The following HERC2 variants were observed in gnomAD, a reference collection of about 807,000 sequenced individuals.
HERC2 encodes HECT and RLD domain containing E3 ubiquitin protein ligase 2.
Under a neutral mutation model 537.7 loss-of-function variants are expected in HERC2, and 102 were observed. The observed-to-expected ratio is 0.19, with a 90% CI of 0.16 to 0.22. HERC2 has a LOEUF of 0.22. Ranked by LOEUF, HERC2 falls within the 10% of genes least tolerant of loss-of-function variation. The probability of loss-of-function intolerance (pLI) is 1.00; values close to 1 mark genes in which losing one functional copy is unlikely to be tolerated. For missense variants in HERC2, 4,236 were observed against 6,198.2 expected, an observed-to-expected ratio of 0.68 and a Z score of 10.63; for synonymous variants, 2,224 against 2,466.2, an observed-to-expected ratio of 0.90 and a Z score of 2.91.
At chr15:28,211,721 C>T (rs1596242405) in intron 43 of HERC2, among the ~76,000 whole-genome samples, 2 of 152,140 alleles carry the variant, frequency 1.3e-5, no homozygotes, top group South Asian at 4.1e-4. Context: ...AGCTGAATTT[C>T]GGACATGTGG....
rs1291082057 is a variant in HERC2, at chr15:28,255,902, G to A, written c.2841C>T (p.Ala947=). 1.9e-6 allele frequency: 3 copies of A among 1,601,826 alleles called. No individual in the cohort carries two copies. The highest frequency in any genetic ancestry group is 2.5e-6 in the Non-Finnish European group (3 of 1,179,810). The change falls in exon 19 of 93, where the codon GCC becomes GCT. Residue 947 remains alanine (A), a synonymous_variant. Coordinates refer to ENST00000261609, the MANE Select transcript of HERC2 (RefSeq NM_004667.6). ...TCTCTGCAGTAATGGCTGCGTGTAAGGCTGACTCCAACCCTCCATCAGCCA... is the reference window on the plus strand; with the variant it reads ...TCTCTGCAGTAATGGCTGCGTGTAAAGCTGACTCCAACCCTCCATCAGCCA... ...SLMADGGLES[A]LHAAITAEIQ...
At position 28,225,061 on chromosome 15, in the gene HERC2, T is replaced by C. The variant is rs574366785; in HGVS notation, c.5465-2846A>G. On this transcript the variant is annotated intron_variant, in intron 35 of 92. Transcript: ENST00000261609. ...TGATCTCAAATCAATAACTTAACTC[T>C]ACATCTGGAAGAACTAAAAAATAAC... is the stretch of plus-strand genomic sequence containing the variant. 4.6e-5 allele frequency among the ~76,000 whole-genome samples: 7 copies of C among 152,272 alleles called. No individual in the cohort carries two copies. In the East Asian group the frequency reaches 1.4e-3, roughly 29 times the overall value.
Position 28,142,252 on chromosome 15 carries a change from G to A in HERC2, c.11686C>T (p.Leu3896=), listed in dbSNP as rs771507754. 3.7e-6 allele frequency: 6 copies of A among 1,614,116 alleles called. No homozygotes were observed. In the Admixed American group the frequency reaches 8.3e-5, roughly 22 times the overall value. ...ALDKRTPLPR[L]FLDEVAKKIR... Reference sequence around the variant, plus strand: ...TCATGCAATACCTCATCAAGAAACAGACGGGGCAACGGTGTTCTTTTGTCA... The same window carrying A: ...TCATGCAATACCTCATCAAGAAACAAACGGGGCAACGGTGTTCTTTTGTCA... The change falls in exon 76 of 93, where the codon CTG becomes TTG. Residue 3896 remains leucine, a synonymous_variant. Transcript: ENST00000261609.
chr15:28,177,271 C>G lies in HERC2; in HGVS notation c.9255-144G>C. 1 of 1,202,338 alleles carries G rather than the reference C, an allele frequency of 8.3e-7. No individual in the cohort carries two copies. Among genetic ancestry groups the G allele is most frequent in the Middle Eastern group, 2.1e-4 (1 of 4,656 alleles). 74.5% of individuals were successfully genotyped at this position (1,202,338 alleles called of 1,614,324 possible). A position where few individuals can be genotyped will look rare whatever the true frequency, so the allele number is the denominator to read the frequency against. ...AAACTTAAAGCAGAACCGGTGAGAC[C>G]AAAACACAAACAACCGTGTTAAAAA... On this transcript the variant is annotated intron_variant, in intron 60 of 92. Transcript: ENST00000261609. This position sits in a 1 kb window ranked among gnomAD's most constrained non-coding sequence, Gnocchi z 5.0.
intron 44 of HERC2, among the ~76,000 whole-genome samples, chr15:28,206,820 A>T (rs1408537968): frequency 7.7e-6 from 1 of 130,624 alleles, no homozygotes; most frequent in Non-Finnish European, 1.6e-5. Flanking sequence ...GCGACAGACC[A>T]AGACTCGGTC....
intron 74 of HERC2, among the ~76,000 whole-genome samples, 185 bp downstream of exon 74, chr15:28,143,688 C>T (rs1433264493): frequency 1.4e-4 from 22 of 151,992 alleles, no homozygotes; most frequent in Non-Finnish European, 2.8e-4. Flanking sequence ...CCTCGTGATC[C>T]GCCCACCTCA....
intron 16 of HERC2, among the ~76,000 whole-genome samples, chr15:28,259,085 CTTTT>C (rs1487871284): frequency 6.6e-6 from 1 of 151,950 alleles, no homozygotes; most frequent in African/African-American, 2.4e-5. Context: ...GTTGCAAAAT[CTTTT>C]TTTTGTTTGT....
chr15:28,277,583 G>C (rs895263216), intron 5 of HERC2, among the ~76,000 whole-genome samples: 2 of 152,024 alleles, frequency 1.3e-5, no homozygotes, highest in Non-Finnish European at 2.9e-5. Flanking sequence ...AGAAAAATCA[G>C]CTGGGCTCTC....
rs927452114 is a variant in HERC2, at chr15:28,124,377, T to C, written c.12991-143A>G. On this transcript the variant is annotated intron_variant, in intron 84 of 92. Coordinates refer to ENST00000261609, the MANE Select transcript of HERC2 (RefSeq NM_004667.6). Reference sequence around the variant, plus strand: ...CTGAGTTTGGTTTGCACAACCTCACTGTGCTGCTTTTAAAATAATATTCTG... The same window carrying C: ...CTGAGTTTGGTTTGCACAACCTCACCGTGCTGCTTTTAAAATAATATTCTG... 15 of 469,308 alleles carry C rather than the reference T, an allele frequency of 3.2e-5. No individual in the cohort carries two copies. The South Asian group carries it at 9.8e-4, about 31-fold the overall frequency. 29.1% of individuals were successfully genotyped at this position (469,308 alleles called of 1,614,324 possible).
At chr15:28,226,317 A>C (rs1901160996) in intron 35 of HERC2, among the ~76,000 whole-genome samples, 1 of 152,074 alleles carries the variant, frequency 6.6e-6, no homozygotes, top group African/African-American at 2.4e-5. Flanking sequence ...GACCCAAAGT[A>C]GCCAAAATCA....
intron 2 of HERC2, among the ~76,000 whole-genome samples, chr15:28,311,111 A>T (rs1191968179): frequency 7.4e-6 from 1 of 134,414 alleles, no homozygotes; most frequent in African/African-American, 2.7e-5. Context: ...AAAGGCTATT[A>T]CCAAGGGTCC....
chr15:28,250,047 G>C, intron 20 of HERC2, among the ~76,000 whole-genome samples: 1 of 150,460 alleles, frequency 6.6e-6, no homozygotes, highest in African/African-American at 2.4e-5. Flanking sequence ...CCTGGTTCCA[G>C]ACCCACCCCA....
chr15:28,123,146 A>G (rs994382112), intron 85 of HERC2, among the ~76,000 whole-genome samples: 5 of 152,184 alleles, frequency 3.3e-5, no homozygotes, highest in African/African-American at 1.2e-4. Context: ...TTCCACCCTC[A>G]GGCACACGTG....
At chr15:28,242,815 A>G (rs1903263285) in intron 23 of HERC2, among the ~76,000 whole-genome samples, 1 of 152,224 alleles carries the variant, frequency 6.6e-6, no homozygotes, top group South Asian at 2.1e-4. Flanking sequence ...TATATGATCA[A>G]GTAATGCAGG....
intron 3 of HERC2, among the ~76,000 whole-genome samples, chr15:28,296,527 C>T (rs1383943906): frequency 6.6e-6 from 1 of 151,980 alleles, no homozygotes; most frequent in Non-Finnish European, 1.5e-5. Context: ...AAAACATATA[C>T]TTTGGATTTT....
Position 28,192,089 on chromosome 15 carries a change from G to C in HERC2, c.8323C>G (p.Pro2775Ala), listed in dbSNP as rs372441652. The C allele has an allele frequency of 2.0e-5, 33 of 1,613,890 alleles. No homozygotes were observed. The highest frequency in any genetic ancestry group is 2.8e-5 in the Non-Finnish European group (33 of 1,180,012). The stretch of plus-strand genomic sequence containing the variant: ...GACCAGCTGTCCAGCAGCATGCCTG[G>C]CTGGCTGCTGTGGCAACGCTTCAGC... ...KQLKRCHSSQ[P>A]GMLLDSWSRM... The change falls in exon 53 of 93, where the codon CCA becomes GCA. Residue 2775 changes from proline to alanine, a missense_variant. Physicochemically the swap from Pro to Ala is conservative, Grantham distance 27. Transcript: ENST00000261609.
At chr15:28,242,592 G>T (rs2140755829) in intron 23 of HERC2, among the ~76,000 whole-genome samples, 1 of 152,128 alleles carries the variant, frequency 6.6e-6, no homozygotes, top group Admixed American at 6.5e-5. Flanking sequence ...AAAATTACAG[G>T]TCACTGAAAA....
At chr15:28,188,727 T>TA (rs1896554113) in intron 55 of HERC2, among the ~76,000 whole-genome samples, 1 of 152,016 alleles carries the variant, frequency 6.6e-6, no homozygotes, top group African/African-American at 2.4e-5. Context: ...AAAATGTTGA[T>TA]AAATGTTGAA....
Position 28,270,868 on chromosome 15 carries a change from G to T in HERC2, c.1084C>A (p.Leu362Ile). ...TTGGGGCTCAGAGGGCCAGACAAAA[G>T]CTAGAAAGGAAAAGTAAACAAAAAT... ...DAPHSEGDMH[L>I]LSGPLSPNES... Residue 362 changes from leucine to isoleucine, a missense_variant and splice_region_variant, in exon 10 of 93, where the codon CTT (leucine) becomes ATT (isoleucine). Physicochemically the swap from Leu to Ile is conservative, Grantham distance 5. Around this residue, in one of 27 missense-constraint regions of HERC2, gnomAD observed 491 missense variants for 559.3 expected, o/e 0.88. Coordinates refer to ENST00000261609, the MANE Select transcript of HERC2 (RefSeq NM_004667.6). The T allele has an allele frequency of 6.2e-7, 1 of 1,612,920 alleles. No individual in the cohort carries two copies. Among genetic ancestry groups the T allele is most frequent in the Non-Finnish European group, 8.5e-7 (1 of 1,179,548 alleles).
Sources: allele counts gnomAD v4.1 joint callset (sites outside exome capture counted in the v4.1 genomes callset), GRCh38; gene constraint gnomAD v4.1.1; regional missense constraint gnomAD v4.1.1; non-coding constraint Gnocchi (gnomAD v3.1); transcripts MANE v1.5; gene names NCBI Gene and HGNC (gene_info 2026-07-23, HGNC 2026-07-21).